KMO: variants seen among roughly 807,000 people sequenced by gnomAD.
KMO encodes kynurenine 3-monooxygenase, also known as kynurenine 3-hydroxylase.
In KMO, 24 loss-of-function variants were observed where a neutral mutation model predicts 57.8. The observed-to-expected ratio is 0.42, with a 90% CI of 0.30 to 0.58. The LOEUF (loss-of-function observed/expected upper bound fraction) is 0.58. Among genes scored for constraint, KMO ranks in the 20% least tolerant of loss-of-function variants. KMO has a pLI of 0.22. For synonymous variants in KMO, 210 were observed against 193.6 expected (o/e 1.08, Z -0.70); for missense variants, 483 against 588.2 (o/e 0.82, Z 1.85).
intron 1 of KMO, among the ~76,000 whole-genome samples, chr1:241,533,094 G>A (rs1246008670): frequency 6.6e-6 from 1 of 152,236 alleles, no homozygotes; most frequent in Non-Finnish European, 1.5e-5. Flanking sequence ...TGACGTAAAG[G>A]TGCTGGGGCT....
intron 12 of KMO, 73 bp from the exon 13 acceptor site, chr1:241,589,939 G>GAAT: frequency 8.5e-7 from 1 of 1,173,496 alleles, no homozygotes; most frequent in Non-Finnish European, 1.3e-6. Flanking sequence ...TGGGAATGAA[G>GAAT]AATAATACTA....
At position 241,593,536 on chromosome 1, in the gene KMO, A is replaced by C. The variant is rs1292902918; in HGVS notation, c.*1383A>C. On this transcript the variant is annotated 3_prime_UTR_variant, in exon 15 of 15. Coordinates refer to ENST00000366559, the MANE Select transcript of KMO (RefSeq NM_003679.5). Reference sequence around the variant, plus strand: ...ATCCATGTTCAGTTTGTAGGGAAAGAAAAAATAATTTTTCCTTCTACCCAC... The same window carrying C: ...ATCCATGTTCAGTTTGTAGGGAAAGCAAAAATAATTTTTCCTTCTACCCAC... The C allele has an allele frequency of 7.8e-6, 2 of 256,830 alleles. No individual in the cohort carries two copies. The highest frequency in any genetic ancestry group is 1.8e-5 in the Non-Finnish European group (2 of 113,062). 15.9% of individuals were successfully genotyped at this position (256,830 alleles called of 1,614,324 possible). A position where few individuals can be genotyped will look rare whatever the true frequency, so the allele number is the denominator to read the frequency against.
intron 12 of KMO, 49 bp downstream of exon 12, chr1:241,588,879 C>G (rs12034123): frequency 3.0e-6 from 4 of 1,318,746 alleles, no homozygotes; most frequent in Non-Finnish European, 4.4e-6. Flanking sequence ...CACTGATATT[C>G]TAACAAGTGT....
intron 10 of KMO, among the ~76,000 whole-genome samples, chr1:241,576,297 A>C (rs1045268907): frequency 6.6e-6 from 1 of 152,056 alleles, no homozygotes; most frequent in Non-Finnish European, 1.5e-5. Flanking sequence ...TGTTTCAGTC[A>C]TCATGTTAAT....
intron 1 of KMO, chr1:241,536,497 AAG>A (rs1443736473): frequency 1.8e-5 from 18 of 985,540 alleles, no homozygotes; most frequent in Non-Finnish European, 1.8e-5. Flanking sequence ...TCAGAGCAAA[AAG>A]GCACCATTTC....
chr1:241,554,267 C>CTTCCTTCT (rs1211700062), intron 4 of KMO, among the ~76,000 whole-genome samples: 2 of 148,798 alleles, frequency 1.3e-5, no homozygotes, highest in African/African-American at 2.5e-5. Context: ...TCCTTCCTTC[C>CTTCCTTCT]TTCCTTCCTT....
chr1:241,573,104 G>A (rs1056168709), intron 10 of KMO, among the ~76,000 whole-genome samples: 1 of 152,014 alleles, frequency 6.6e-6, no homozygotes, highest in African/African-American at 2.4e-5. Flanking sequence ...ATATACACAT[G>A]CAAGTGTCTT....
chr1:241,555,065 T>C (rs1311040863), intron 4 of KMO, among the ~76,000 whole-genome samples: 2 of 152,110 alleles, frequency 1.3e-5, no homozygotes, highest in Non-Finnish European at 2.9e-5. Context: ...AATTGTCCTA[T>C]AAAGTCAGAA....
At chr1:241,580,000 C>T (rs1662689554) in intron 10 of KMO, among the ~76,000 whole-genome samples, 1 of 152,184 alleles carries the variant, frequency 6.6e-6, no homozygotes, top group South Asian at 2.1e-4. Flanking sequence ...CCACTGCTCA[C>T]TAAATCAGTT....
intron 10 of KMO, among the ~76,000 whole-genome samples, chr1:241,580,876 C>T (rs79565334): frequency 0.029 from 4,347 of 151,202 alleles, 116 homozygotes; most frequent in Non-Finnish European, 0.038. Context: ...TTCTTACATA[C>T]TTTTTCTTTA....
intron 1 of KMO, among the ~76,000 whole-genome samples, chr1:241,545,597 A>T (rs1354227700): frequency 2.0e-5 from 3 of 152,138 alleles, no homozygotes; most frequent in Non-Finnish European, 2.9e-5. Flanking sequence ...CACCCTAATG[A>T]TATCATCTTA....
intron 6 of KMO, 66 bp downstream of exon 6, chr1:241,560,818 C>A: frequency 2.0e-6 from 2 of 1,000,264 alleles, no homozygotes; most frequent in Non-Finnish European, 3.2e-6. Context: ...TATCTGCAAA[C>A]TTTGTTCTTT....
intron 10 of KMO, 56 bp from the exon 11 acceptor site, chr1:241,586,623 G>C: frequency 9.0e-7 from 1 of 1,117,236 alleles, no homozygotes. Flanking sequence ...TCAATAATAA[G>C]GGTTTCTTTT....
chr1:241,568,419 T>G, intron 9 of KMO, 81 bp from the exon 10 acceptor site: 1 of 1,379,350 alleles, frequency 7.2e-7, no homozygotes, highest in Non-Finnish European at 1.0e-6. Context: ...TCGTGATAGT[T>G]AATTTAGTAA....
At chr1:241,582,505 C>T (rs1297930442) in intron 10 of KMO, among the ~76,000 whole-genome samples, 1 of 152,084 alleles carries the variant, frequency 6.6e-6, no homozygotes, top group Non-Finnish European at 1.5e-5. Context: ...TATAGCCTGT[C>T]TTCCAGCTCA....
At chr1:241,569,645 C>T (rs568114585) in intron 10 of KMO, among the ~76,000 whole-genome samples, 1 of 152,010 alleles carries the variant, frequency 6.6e-6, no homozygotes, top group Non-Finnish European at 1.5e-5. Flanking sequence ...CTTCAATATA[C>T]TGATGTTCTT....
At chr1:241,542,244 A>C (rs547602785) in intron 1 of KMO, among the ~76,000 whole-genome samples, 33 of 152,216 alleles carry the variant, frequency 2.2e-4, no homozygotes, top group Non-Finnish European at 4.3e-4. Context: ...AACTGACAGA[A>C]AAGCTCAGCA....
At position 241,594,645 on chromosome 1, in the gene KMO, C is replaced by T. The variant is rs180909883; in HGVS notation, c.*2492C>T. 450 of 1,614,066 alleles carry T rather than the reference C, an allele frequency of 2.8e-4. 3 individuals are homozygous for T. In the East Asian group the frequency reaches 9.6e-3, roughly 34 times the overall value. On this transcript the variant is annotated 3_prime_UTR_variant, in exon 15 of 15. Coordinates refer to ENST00000366559, the MANE Select transcript of KMO (RefSeq NM_003679.5). ...TGGTAGGTCTTTAGCAGGCCTCTGG[C>T]ACCTCAGCAGTCGGAGGCACAGAAG...
intron 10 of KMO, among the ~76,000 whole-genome samples, chr1:241,570,059 T>G (rs1243820201): frequency 1.3e-5 from 2 of 152,088 alleles, no homozygotes; most frequent in Non-Finnish European, 2.9e-5. Flanking sequence ...TTTTAAAACA[T>G]CCATTTTTAA....
Sources: allele counts gnomAD v4.1 joint callset (sites outside exome capture counted in the v4.1 genomes callset), GRCh38; gene constraint gnomAD v4.1.1; transcripts MANE v1.5; gene names NCBI Gene and HGNC (gene_info 2026-07-23, HGNC 2026-07-21).